The following GNG7 variants were observed in gnomAD, a reference collection of about 807,000 sequenced individuals.
GNG7 encodes the protein guanine nucleotide-binding protein G(I)/G(S)/G(O) subunit gamma-7.
GNG7 carries 1 observed loss-of-function variant against 4.0 expected under a neutral mutation model. That is an observed-to-expected ratio of 0.25 (90% confidence interval 0.09 to 1.18). GNG7 has a LOEUF of 1.18. Among genes scored for constraint, GNG7 ranks in the 50% most tolerant of loss-of-function variants. The pLI is 0.50. For missense variants in GNG7, 86 were observed against 91.9 expected (o/e 0.94, Z 0.26); for synonymous variants, 34 against 36.9 (o/e 0.92, Z 0.29).
At chr19:2,691,559 T>TAA (rs1913136041) in intron 1 of GNG7, among the ~76,000 whole-genome samples, 1 of 145,558 alleles carries the variant, frequency 6.9e-6, no homozygotes, top group Non-Finnish European at 1.5e-5. Flanking sequence ...AAATAAAAAT[T>TAA]AAAAAAATAA....
chr19:2,665,476 C>T (rs1162385986), intron 1 of GNG7, among the ~76,000 whole-genome samples: 5 of 151,144 alleles, frequency 3.3e-5, no homozygotes, highest in African/African-American at 7.3e-5. Context: ...GAGGGCCATG[C>T]GGGACAAAAA....
intron 4 of GNG7, 58 bp downstream of exon 4, chr19:2,520,550 C>A: frequency 2.2e-6 from 2 of 924,332 alleles, no homozygotes; most frequent in African/African-American, 1.6e-5. Context: ...TCCTGTTCAT[C>A]ATTTGCGGGG....
intron 2 of GNG7, among the ~76,000 whole-genome samples, chr19:2,568,680 TACACATAC>T (rs1167548705): frequency 6.7e-6 from 1 of 149,020 alleles, no homozygotes. Context: ...TACACATATA[TACACATAC>T]ACACATACAT....
chr19:2,576,150 G>A (rs532428379), intron 2 of GNG7, among the ~76,000 whole-genome samples: 5 of 152,350 alleles, frequency 3.3e-5, no homozygotes, highest in South Asian at 2.1e-4. Flanking sequence ...CATGCGGCAC[G>A]GGCACGTGCT....
At chr19:2,603,988 C>T (rs1344002640) in intron 2 of GNG7, among the ~76,000 whole-genome samples, 3 of 152,014 alleles carry the variant, frequency 2.0e-5, no homozygotes, top group Admixed American at 6.6e-5. Context: ...GTAGCTGGGA[C>T]TACAGGCGCC....
At chr19:2,607,737 C>A (rs1390261212) in intron 2 of GNG7, among the ~76,000 whole-genome samples, 7 of 152,254 alleles carry the variant, frequency 4.6e-5, no homozygotes, top group African/African-American at 1.7e-4. Context: ...CCGTGCCCTC[C>A]GCCCCCCGCC....
In GNG7 at chr19:2,634,396, T is replaced by TG. The variant is rs759086081; in HGVS notation, c.-78+11827dup. 2.0e-5 allele frequency among the ~76,000 whole-genome samples: 3 copies of TG among 151,102 alleles called. No individual in the cohort carries two copies. The highest frequency in any genetic ancestry group is 2.1e-4 in the South Asian group (1 of 4,772). ...TGCTCAGTGTCCCCGGGGTTGGGGG[T>TG]GGGGGGCGGCATCACCCAGATGACC... On this transcript the variant is annotated intron_variant, in intron 2 of 4. Transcript: ENST00000382159. The surrounding 1 kb of genome is among the most constrained non-coding windows in gnomAD (Gnocchi z 5.3).
intron 2 of GNG7, among the ~76,000 whole-genome samples, chr19:2,586,012 A>G (rs894606375): frequency 6.6e-5 from 10 of 152,072 alleles, no homozygotes; most frequent in African/African-American, 2.4e-4. Context: ...AAATGTATTG[A>G]TTTTTCAGTA....
At chr19:2,687,587 G>A (rs1381120425) in intron 1 of GNG7, among the ~76,000 whole-genome samples, 1 of 152,162 alleles carries the variant, frequency 6.6e-6, no homozygotes, top group Non-Finnish European at 1.5e-5. Context: ...TTGCACTCCA[G>A]CCTGGGCAAC....
At chr19:2,524,703 T>C (rs908676185) in intron 3 of GNG7, among the ~76,000 whole-genome samples, 2 of 152,156 alleles carry the variant, frequency 1.3e-5, no homozygotes, top group Non-Finnish European at 1.5e-5. Flanking sequence ...CATACGTGCA[T>C]GTGTGTGGAC....
intron 2 of GNG7, among the ~76,000 whole-genome samples, chr19:2,574,422 C>T (rs8100937): frequency 0.32 from 49,400 of 152,114 alleles, 10,317 homozygotes; most frequent in African/African-American, 0.6. Context: ...ACTCATCCTA[C>T]TTCCTGTCTC....
intron 4 of GNG7, among the ~76,000 whole-genome samples, chr19:2,520,056 C>T (rs1978299708): frequency 1.3e-5 from 2 of 152,208 alleles, no homozygotes; most frequent in South Asian, 4.1e-4. Context: ...TGGTGCATGC[C>T]TGTAATCCCA....
intron 2 of GNG7, among the ~76,000 whole-genome samples, chr19:2,599,819 C>A (rs1458404718): frequency 6.6e-6 from 1 of 151,870 alleles, no homozygotes; most frequent in Non-Finnish European, 1.5e-5. Flanking sequence ...GGCCTGTGAT[C>A]CCAGCTACTC....
At chr19:2,538,676 T>A in intron 3 of GNG7, 1 of 459,610 alleles carries the variant, frequency 2.2e-6, no homozygotes, top group Middle Eastern at 3.2e-4. Context: ...ACTTACAAGG[T>A]TCACTACTCT....
rs928766946 is a variant in GNG7 at position 2,511,760 on chromosome 19, C to T, written c.*3262G>A. 4.1e-6 allele frequency: 4 copies of T among 974,586 alleles called. No homozygotes were observed. In the African/African-American group the frequency reaches 7.0e-5, roughly 17 times the overall value. The allele number at this position is 974,586 out of a possible 1,614,324, so 60.4% of individuals were successfully genotyped here. A position where few individuals can be genotyped will look rare whatever the true frequency, so the allele number is the denominator to read the frequency against. ...CGCAGAAGGAGGGAAACAGGAGCAC[C>T]TTCCGCCCTGGCCCAGCCGCCCCGT... On this transcript the variant is annotated 3_prime_UTR_variant, in exon 5 of 5. Transcript: ENST00000382159. This position sits in a 1 kb window ranked among gnomAD's most constrained non-coding sequence, Gnocchi z 6.3.
chr19:2,613,772 T>C (rs1203633481), intron 2 of GNG7, among the ~76,000 whole-genome samples: 2 of 151,526 alleles, frequency 1.3e-5, no homozygotes, highest in Non-Finnish European at 2.9e-5. Context: ...CACCCTGCAG[T>C]GCCCAGGATG....
intron 1 of GNG7, among the ~76,000 whole-genome samples, chr19:2,657,361 A>ATATATATATATTT (rs1417220700): frequency 6.1e-5 from 1 of 16,342 alleles, no homozygotes; most frequent in African/African-American, 2.9e-4. Flanking sequence ...AAAAAAAAAA[A>ATATATATATATTT]ATATATATAT....
At chr19:2,527,647 G>A (rs1383706004) in intron 3 of GNG7, among the ~76,000 whole-genome samples, 2 of 152,180 alleles carry the variant, frequency 1.3e-5, no homozygotes, top group Admixed American at 6.5e-5. Context: ...GATCTACACC[G>A]GGAAGTTTAA....
At chr19:2,539,322 T>TA (rs1422962949) in intron 3 of GNG7, among the ~76,000 whole-genome samples, 1 of 140,038 alleles carries the variant, frequency 7.1e-6, no homozygotes, top group South Asian at 2.2e-4. Context: ...TTTTTTTTTT[T>TA]TGGATGGTGT....
Sources: gnomAD v4.1 joint callset for allele counts (sites outside exome capture counted in the v4.1 genomes callset) on GRCh38, gnomAD v4.1.1 for gene constraint, Gnocchi (gnomAD v3.1) non-coding constraint, MANE v1.5 for transcripts, NCBI Gene and HGNC (gene_info 2026-07-23, HGNC 2026-07-21) for gene names.